The following ADGRG6 variants were observed in gnomAD, a reference collection of about 807,000 sequenced individuals.
ADGRG6 encodes the protein adhesion G protein-coupled receptor G6.
In ADGRG6, 84 loss-of-function variants were observed where a neutral mutation model predicts 142.4. The ratio of observed to expected loss-of-function variants is 0.59; its 90% CI spans 0.49 to 0.71. The LOEUF is 0.71. ADGRG6 is among the 30% of genes least tolerant of loss of function. The pLI is 0.00. For missense variants in ADGRG6, 1,367 were observed against 1,466.6 expected (o/e 0.93, Z 1.11); for synonymous variants, 521 against 520.5 (o/e 1.00, Z -0.01).
chr6:142,357,514 T>C (rs758094188), intron 2 of ADGRG6, among the ~76,000 whole-genome samples: 1 of 152,174 alleles, frequency 6.6e-6, no homozygotes, highest in African/African-American at 2.4e-5. Flanking sequence ...AGGGGAAAAA[T>C]TATGCTGGTT....
intron 2 of ADGRG6, among the ~76,000 whole-genome samples, chr6:142,324,676 G>A (rs1396113898): frequency 6.6e-6 from 1 of 152,088 alleles, no homozygotes; most frequent in Non-Finnish European, 1.5e-5. Flanking sequence ...TGGAAATGGA[G>A]CAGCAAAGTA....
intron 6 of ADGRG6, among the ~76,000 whole-genome samples, chr6:142,388,753 C>T (rs1004360658): frequency 6.6e-6 from 1 of 151,948 alleles, no homozygotes; most frequent in Non-Finnish European, 1.5e-5. Flanking sequence ...CAGTTTCCAC[C>T]GAATGCCTGT....
intron 22 of ADGRG6, among the ~76,000 whole-genome samples, chr6:142,436,014 G>C (rs933076432): frequency 6.6e-6 from 1 of 152,082 alleles, no homozygotes; most frequent in African/African-American, 2.4e-5. Context: ...GGTCATGATC[G>C]CAAGGACTTC....
At chr6:142,362,464 G>A (rs1455823076) in intron 2 of ADGRG6, among the ~76,000 whole-genome samples, 1 of 152,172 alleles carries the variant, frequency 6.6e-6, no homozygotes, top group Non-Finnish European at 1.5e-5. Context: ...AATGACCAAT[G>A]TAACCGTGCT....
chr6:142,383,633 C>CT, intron 5 of ADGRG6, 127 bp from the exon 6 acceptor site: 1 of 611,974 alleles, frequency 1.6e-6, no homozygotes, highest in South Asian at 2.1e-5. Context: ...ACCTTGGAGT[C>CT]TTTTGTATTT....
At chr6:142,375,343 T>G (rs1453323445) in intron 4 of ADGRG6, among the ~76,000 whole-genome samples, 2 of 152,206 alleles carry the variant, frequency 1.3e-5, no homozygotes, top group African/African-American at 4.8e-5. Context: ...ACTTTTATAG[T>G]GATCTTCTTG....
rs1775666109 is a variant in ADGRG6, at chr6:142,403,915, C to G, written c.2069C>G (p.Thr690Arg). ...AGCGTATCATCCCTGTTACCAGGGA[C>G]AAATGCAATTTCAAATTTTAGCATT... ...ALSVSSLLPG[T>R]NAISNFSIGL... is the part of the protein sequence containing the mutation. The change falls in exon 14 of 25, where the codon ACA becomes AGA. Residue 690 changes from threonine to arginine, a missense_variant. Coordinates refer to ENST00000367609, the MANE Select transcript of ADGRG6 (RefSeq NM_198569.3). 25 of 1,608,084 alleles carry G rather than the reference C, an allele frequency of 1.6e-5. No individual in the cohort carries two copies. The highest frequency in any genetic ancestry group is 2.1e-5 in the Non-Finnish European group (25 of 1,174,902).
chr6:142,361,813 T>C (rs1486454991), intron 2 of ADGRG6, among the ~76,000 whole-genome samples: 1 of 152,100 alleles, frequency 6.6e-6, no homozygotes, highest in African/African-American at 2.4e-5. Context: ...AGATTGTTTT[T>C]TTTTTTTTAA....
chr6:142,319,115 A>T (rs1778394451), intron 2 of ADGRG6, among the ~76,000 whole-genome samples: 1 of 152,152 alleles, frequency 6.6e-6, no homozygotes, highest in Non-Finnish European at 1.5e-5. Context: ...GTTGTGCCTT[A>T]GAAATGGCAG....
At chr6:142,309,424 A>G in intron 1 of ADGRG6, 120 bp from the exon 2 acceptor site, 3 of 583,748 alleles carry the variant, frequency 5.1e-6, no homozygotes, top group Non-Finnish European at 8.8e-6. Context: ...CTCTATTTGG[A>G]AGCAAGGATG....
At chr6:142,397,086 G>C (rs1775236213) in intron 9 of ADGRG6, among the ~76,000 whole-genome samples, 1 of 152,026 alleles carries the variant, frequency 6.6e-6, no homozygotes, top group South Asian at 2.1e-4. Context: ...ATGCCTCATG[G>C]AGATAGAAAA....
rs10632214 is a variant in ADGRG6 at position 142,321,286 on chromosome 6, T to TACACACACACAC, written c.103+11657_103+11668dup. On this transcript the variant is annotated intron_variant, in intron 2 of 24. Coordinates refer to ENST00000367609, the MANE Select transcript of ADGRG6 (RefSeq NM_198569.3). Reference sequence around the variant, plus strand: ...TTATGTTTCCAAAAATAAGCATGCATACACACACACACACACACACACACA... The same window carrying TACACACACACAC: ...TTATGTTTCCAAAAATAAGCATGCATACACACACACACACACACACACACACACACACACACA... Among the ~76,000 whole-genome samples the TACACACACACAC allele has an allele frequency of 7.8e-3, 1,152 of 147,858 alleles. 10 individuals carry two copies. Among genetic ancestry groups the TACACACACACAC allele is most frequent in the African/African-American group, 0.02 (799 of 40,438 alleles).
At chr6:142,359,203 TAAA>T (rs397885145) in intron 2 of ADGRG6, among the ~76,000 whole-genome samples, 9 of 57,278 alleles carry the variant, frequency 1.6e-4, no homozygotes, top group African/African-American at 2.6e-4. Flanking sequence ...CAAGACCCTA[TAAA>T]AAAAAAAAAA....
intron 4 of ADGRG6, among the ~76,000 whole-genome samples, chr6:142,380,126 A>G (rs1246973917): frequency 1.3e-5 from 2 of 152,222 alleles, no homozygotes; most frequent in East Asian, 3.9e-4. Flanking sequence ...TCTGGGTTAA[A>G]TAAAGGGTTG....
At chr6:142,434,411 G>A (rs1228119802) in intron 22 of ADGRG6, among the ~76,000 whole-genome samples, 2 of 151,270 alleles carry the variant, frequency 1.3e-5, no homozygotes, top group Admixed American at 6.6e-5. Flanking sequence ...TGCAACCTCC[G>A]CCTCCCGAGT....
At chr6:142,335,724 A>T (rs1029511721) in intron 2 of ADGRG6, among the ~76,000 whole-genome samples, 6 of 152,142 alleles carry the variant, frequency 3.9e-5, no homozygotes, top group African/African-American at 1.4e-4. Context: ...GAGAAAAGAG[A>T]TCTCTGAGCT....
chr6:142,395,098 A>C (rs928559307), intron 9 of ADGRG6, among the ~76,000 whole-genome samples: 1 of 152,170 alleles, frequency 6.6e-6, no homozygotes, highest in Non-Finnish European at 1.5e-5. Context: ...CAACACTAGA[A>C]AAACAAATGT....
chr6:142,367,236 G>A (rs1296567933), intron 2 of ADGRG6, among the ~76,000 whole-genome samples: 1 of 152,070 alleles, frequency 6.6e-6, no homozygotes, highest in Non-Finnish European at 1.5e-5. Flanking sequence ...TGCCTCCTGA[G>A]GCCTCATTGT....
At chr6:142,386,418 A>G (rs1489032827) in intron 6 of ADGRG6, among the ~76,000 whole-genome samples, 1 of 152,244 alleles carries the variant, frequency 6.6e-6, no homozygotes, top group Non-Finnish European at 1.5e-5. Flanking sequence ...TGCAGTTAAT[A>G]TGAGCTGTAC....
Sources: gnomAD v4.1 joint callset for allele counts (sites outside exome capture counted in the v4.1 genomes callset) on GRCh38, gnomAD v4.1.1 for gene constraint, MANE v1.5 for transcripts, NCBI Gene and HGNC (gene_info 2026-07-23, HGNC 2026-07-21) for gene names.